TWIST2: variants seen among roughly 807,000 people sequenced by gnomAD.
TWIST2 encodes twist-related protein 2.
Under a neutral mutation model 11.6 loss-of-function variants are expected in TWIST2, and 1 was observed. That is an observed-to-expected ratio of 0.09 (90% CI 0.03 to 0.41). TWIST2 has a LOEUF of 0.41. Among genes scored for constraint, TWIST2 ranks in the 10% least tolerant of loss-of-function variants. The pLI, the probability that TWIST2 is intolerant of heterozygous loss-of-function variation, is 0.98. For synonymous variants in TWIST2, 87 were observed against 96.6 expected (o/e 0.90, Z 0.58); for missense variants, 168 against 226.4 (o/e 0.74, Z 1.66).
chr2:238,857,024 G>A (rs1221234734), intron 1 of TWIST2, among the ~76,000 whole-genome samples: 1 of 152,156 alleles, frequency 6.6e-6, no homozygotes, highest in Non-Finnish European at 1.5e-5. Context: ...TGATTCAGAT[G>A]CCAGAGAAAG....
At chr2:238,887,993 C>A (rs1308616232) in intron 1 of TWIST2, among the ~76,000 whole-genome samples, 1 of 152,218 alleles carries the variant, frequency 6.6e-6, no homozygotes, top group East Asian at 1.9e-4. Context: ...CTTATGCAGG[C>A]AGACTTTGCA....
At position 238,848,618 on chromosome 2, in the gene TWIST2, T is replaced by C. The variant is rs1369383488; in HGVS notation, c.403T>C (p.Tyr135His). 1 of 1,549,084 alleles carries C rather than the reference T, an allele frequency of 6.5e-7. No homozygotes were observed. Among genetic ancestry groups the C allele is most frequent in the Admixed American group, 1.9e-5 (1 of 52,024 alleles). ...EMDNKMTSCS[Y>H]VAHERLSYAF... ...GGACAATAAGATGACCAGCTGCAGCTACGTGGCCCACGAGCGCCTCAGCTA... is the reference window on the plus strand; with the variant it reads ...GGACAATAAGATGACCAGCTGCAGCCACGTGGCCCACGAGCGCCTCAGCTA... The change falls in exon 1 of 2, where the codon TAC becomes CAC. Residue 135 changes from tyrosine to histidine, a missense_variant. Coordinates refer to ENST00000612363, the MANE Select transcript of TWIST2 (RefSeq NM_001271893.4).
At chr2:238,875,638 A>C (rs1374564874) in intron 1 of TWIST2, among the ~76,000 whole-genome samples, 1 of 152,190 alleles carries the variant, frequency 6.6e-6, no homozygotes, top group Non-Finnish European at 1.5e-5. Flanking sequence ...ATGGGAGCCA[A>C]GAAAGTGCCG....
At chr2:238,896,350 G>T (rs1693207388) in intron 1 of TWIST2, among the ~76,000 whole-genome samples, 1 of 152,210 alleles carries the variant, frequency 6.6e-6, no homozygotes, top group Admixed American at 6.5e-5. Context: ...TGTCCCCAGG[G>T]CCACCAGGCT....
At chr2:238,909,425 C>G (rs1693415371) in intron 1 of TWIST2, among the ~76,000 whole-genome samples, 2 of 152,128 alleles carry the variant, frequency 1.3e-5, no homozygotes, top group African/African-American at 4.8e-5. Context: ...GCCCGAAACC[C>G]CACAGCTCCC....
intron 1 of TWIST2, among the ~76,000 whole-genome samples, chr2:238,857,823 G>A (rs1421872282): frequency 6.6e-6 from 1 of 152,104 alleles, no homozygotes; most frequent in African/African-American, 2.4e-5. Flanking sequence ...TGTAATCCCA[G>A]CTACTCAAGA....
At chr2:238,902,922 GGTGT>G (rs1693292083) in intron 1 of TWIST2, among the ~76,000 whole-genome samples, 1 of 18,330 alleles carries the variant, frequency 5.5e-5, no homozygotes, top group Non-Finnish European at 8.7e-5. Flanking sequence ...CGTGATGTGA[GGTGT>G]GTGTGATGTG....
intron 1 of TWIST2, among the ~76,000 whole-genome samples, chr2:238,855,470 C>T (rs140243396): frequency 1.8e-3 from 274 of 152,286 alleles, no homozygotes; most frequent in African/African-American, 6.4e-3. Flanking sequence ...TATGCCCAGC[C>T]GCCTGGCTTT....
At chr2:238,855,319 G>T (rs1692311393) in intron 1 of TWIST2, among the ~76,000 whole-genome samples, 1 of 152,130 alleles carries the variant, frequency 6.6e-6, no homozygotes, top group South Asian at 2.1e-4. Flanking sequence ...TCTCAAATCG[G>T]GCATCTACAC....
At chr2:238,865,474 C>T (rs140332405) in intron 1 of TWIST2, among the ~76,000 whole-genome samples, 1 of 152,312 alleles carries the variant, frequency 6.6e-6, no homozygotes, top group East Asian at 1.9e-4. Context: ...GGGAGCAAGG[C>T]CTGAGGCGCT....
rs753653523 is a variant in TWIST2 at position 238,863,515 on chromosome 2, C to T, written c.*35+14782C>T. Among the ~76,000 whole-genome samples, 1 of 152,206 alleles carries T rather than the reference C, an allele frequency of 6.6e-6. No homozygotes were observed. The highest frequency in any genetic ancestry group is 1.5e-5 in the Non-Finnish European group (1 of 68,030). On this transcript the variant is annotated intron_variant, in intron 1 of 1. Transcript: ENST00000612363. This position sits in a 1 kb window ranked among gnomAD's most constrained non-coding sequence, Gnocchi z 4.7. ...TCCTGGCTGGCCTTTACCCGCTGGG[C>T]AGTTCCCAAATGGCGCTTCATGATG...
At chr2:238,883,221 G>A (rs1692968737) in intron 1 of TWIST2, among the ~76,000 whole-genome samples, 1 of 152,118 alleles carries the variant, frequency 6.6e-6, no homozygotes, top group African/African-American at 2.4e-5. Context: ...CCAGGATTGG[G>A]CTGGTGACGG....
chr2:238,858,644 T>C (rs1692372279), intron 1 of TWIST2, among the ~76,000 whole-genome samples: 1 of 152,196 alleles, frequency 6.6e-6, no homozygotes, highest in South Asian at 2.1e-4. Context: ...TCATGGCCTC[T>C]CTGGGCCTCA....
chr2:238,885,719 C>T (rs1160777710), intron 1 of TWIST2, among the ~76,000 whole-genome samples: 2 of 152,316 alleles, frequency 1.3e-5, no homozygotes, highest in Admixed American at 6.5e-5. Context: ...AGGATCACAT[C>T]TTAAAGAGAA....
At chr2:238,896,617 G>A (rs922353107) in intron 1 of TWIST2, among the ~76,000 whole-genome samples, 2 of 152,212 alleles carry the variant, frequency 1.3e-5, no homozygotes, top group Admixed American at 6.5e-5. Context: ...AGCACCTGGT[G>A]CATTTGTCTG....
intron 1 of TWIST2, among the ~76,000 whole-genome samples, chr2:238,902,677 GGTGT>G (rs1158956694): frequency 8.3e-5 from 12 of 145,408 alleles, no homozygotes; most frequent in African/African-American, 2.8e-4. Context: ...TGTGATGTGG[GGTGT>G]GTGTGATATG....
intron 1 of TWIST2, among the ~76,000 whole-genome samples, chr2:238,865,502 C>G (rs142678539): frequency 1.3e-5 from 2 of 152,250 alleles, no homozygotes; most frequent in South Asian, 4.2e-4. Flanking sequence ...GGATTCCCTG[C>G]GGGAGATCGG....
At chr2:238,853,253 A>G (rs1193260822) in intron 1 of TWIST2, among the ~76,000 whole-genome samples, 1 of 152,220 alleles carries the variant, frequency 6.6e-6, no homozygotes, top group Non-Finnish European at 1.5e-5. Flanking sequence ...ATTAACTTTC[A>G]TTAAGCATAC....
At chr2:238,885,000 C>T (rs1316271458) in intron 1 of TWIST2, among the ~76,000 whole-genome samples, 2 of 152,208 alleles carry the variant, frequency 1.3e-5, no homozygotes, top group Admixed American at 6.5e-5. Context: ...AATGTCCACA[C>T]GCTCGTGGAG....
Sources: gnomAD v4.1 joint callset for allele counts (sites outside exome capture counted in the v4.1 genomes callset) on GRCh38, gnomAD v4.1.1 for gene constraint, Gnocchi (gnomAD v3.1) non-coding constraint, MANE v1.5 for transcripts, NCBI Gene and HGNC (gene_info 2026-07-23, HGNC 2026-07-21) for gene names.